Variants in C4BPB observed in about 807,000 individuals in gnomAD.
C4BPB encodes C4b-binding protein beta chain.
C4BPB carries 19 observed loss-of-function variants against 26.6 expected under a neutral mutation model. The ratio of observed to expected loss-of-function variants is 0.71; its 90% CI spans 0.50 to 1.05. The LOEUF (loss-of-function observed/expected upper bound fraction) is 1.05. C4BPB is among the 50% of genes least tolerant of loss of function. The pLI is 0.00. For synonymous variants in C4BPB, 118 were observed against 103.5 expected (o/e 1.14, Z -0.85); for missense variants, 282 against 302.9 (o/e 0.93, Z 0.51).
In C4BPB at chr1:207,099,920, ATTG is replaced by A. The variant is rs1684401957; in HGVS notation, c.755_757del (p.Leu252del). 18 of 1,612,922 alleles carry A rather than the reference ATTG, an allele frequency of 1.1e-5. No individual in the cohort carries two copies. Among genetic ancestry groups the A allele is most frequent in the Non-Finnish European group, 1.5e-5 (18 of 1,179,612 alleles). On this transcript the variant is annotated inframe_deletion, in exon 7 of 7. Transcript: ENST00000367078. Reference sequence around the variant, plus strand: ...TGAAGAAAGCTGAGTTGAAGGCAAAATTGTTGTAACACTACAGCTGAGCAGATG... The same window carrying A: ...TGAAGAAAGCTGAGTTGAAGGCAAAATTGTAACACTACAGCTGAGCAGATG...
chr1:207,095,138 G>C, intron 4 of C4BPB: 1 of 369,486 alleles, frequency 2.7e-6, no homozygotes, highest in Non-Finnish European at 5.3e-6. Flanking sequence ...GAGCTGACTG[G>C]GACCTTAGAG....
chr1:207,096,394 T>G (rs1684250074), intron 4 of C4BPB, 128 bp from the exon 5 acceptor site: 2 of 696,408 alleles, frequency 2.9e-6, no homozygotes, highest in Non-Finnish European at 5.3e-6. Context: ...GCTGTGAGGA[T>G]GTCAGGTGCT....
rs371751934 is a variant in C4BPB, at chr1:207,089,456, A to C, written c.-50-26A>C. On this transcript the variant is annotated intron_variant, in intron 1 of 6. Coordinates refer to ENST00000367078, the MANE Select transcript of C4BPB (RefSeq NM_001017365.3). ...GGTTAGGTTGGTCTTAAGCAGTGTT[A>C]GAAGATCTATTTTTTTTCAAACCAG... is the stretch of plus-strand genomic sequence containing the variant. 9.4e-5 allele frequency: 123 copies of C among 1,305,422 alleles called. 1 individual carries two copies. The African/African-American group carries it at 1.4e-3, about 15-fold the overall frequency. The allele number at this position is 1,305,422 out of a possible 1,614,324, so 80.9% of individuals were successfully genotyped here.
chr1:207,097,088 G>A (rs894632623), intron 5 of C4BPB, among the ~76,000 whole-genome samples: 5 of 152,154 alleles, frequency 3.3e-5, no homozygotes, highest in Admixed American at 1.3e-4. Flanking sequence ...CATGAGAATC[G>A]CTTGAACCCA....
chr1:207,091,462 G>C (rs888541331), intron 3 of C4BPB, among the ~76,000 whole-genome samples, 182 bp from the exon 4 acceptor site: 4 of 152,062 alleles, frequency 2.6e-5, no homozygotes, highest in Non-Finnish European at 5.9e-5. Flanking sequence ...GCTGTACTTA[G>C]GTCAATCTCC....
chr1:207,092,078 T>C (rs1261985855), intron 4 of C4BPB, among the ~76,000 whole-genome samples: 4 of 152,172 alleles, frequency 2.6e-5, no homozygotes, highest in African/African-American at 7.2e-5. Flanking sequence ...AGGTGTAATG[T>C]AGGGTAGTTT....
rs561966398 is a variant in C4BPB at position 207,090,376 on chromosome 1, A to G, written c.127A>G (p.Ile43Val). Residue 43 changes from isoleucine to valine, a missense_variant, in exon 3 of 7, where the codon ATT becomes GTT. Ile to Val is a conservative substitution (Grantham distance 29). Coordinates refer to ENST00000367078, the MANE Select transcript of C4BPB (RefSeq NM_001017365.3). ...TGTCGCAAAGGAGGTGGAAGGACAGATTCTGGGGACTTACGTTTGTATCAA... is the reference window on the plus strand; with the variant it reads ...TGTCGCAAAGGAGGTGGAAGGACAGGTTCTGGGGACTTACGTTTGTATCAA... ...IFVAKEVEGQ[I>V]LGTYVCIKGY... 6.2e-7 allele frequency: 1 copy of G among 1,614,002 alleles called. No homozygotes were observed. The highest frequency in any genetic ancestry group is 2.2e-5 in the East Asian group (1 of 44,866).
chr1:207,090,792 A>G (rs1683996297), intron 3 of C4BPB, among the ~76,000 whole-genome samples: 1 of 152,184 alleles, frequency 6.6e-6, no homozygotes, highest in Non-Finnish European at 1.5e-5. Flanking sequence ...AAAAATGTTT[A>G]TGTTATGGAA....
Position 207,090,470 on chromosome 1 carries a change from C to T in C4BPB, c.221C>T (p.Thr74Ile), listed in dbSNP as rs146047392. ...NASKEWDNTTTECRLGHCPDP... is the reference protein window; with the variant it reads ...NASKEWDNTTIECRLGHCPDP... ...TCTAAGGAGTGGGATAACACCACTACTGAGTGCCGCTGTAAGTTAGATCTT... is the reference window on the plus strand; with the variant it reads ...TCTAAGGAGTGGGATAACACCACTATTGAGTGCCGCTGTAAGTTAGATCTT... Residue 74 changes from threonine (T) to isoleucine (I), a missense_variant, in exon 3 of 7, where the codon ACT (threonine) becomes ATT (isoleucine). By Grantham distance (89) the Thr-to-Ile change is moderately conservative (BLOSUM62 -1). Coordinates refer to ENST00000367078, the MANE Select transcript of C4BPB (RefSeq NM_001017365.3). 1.9e-6 allele frequency: 3 copies of T among 1,607,920 alleles called. No individual in the cohort carries two copies. The highest frequency in any genetic ancestry group is 1.7e-6 in the Non-Finnish European group (2 of 1,177,412).
In C4BPB at chr1:207,091,801, C is replaced by G. The variant is rs966570922; in HGVS notation, c.390C>G (p.Pro130=). ...TAGAGGACCACACCTGGGCACCTCC[C>G]TTTCCCATCTGCAAAAGTAGTAAGT... ...QCLEDHTWAP[P]FPICKSRDCD... is the part of the protein sequence containing the mutation. The change falls in exon 4 of 7, where the codon CCC becomes CCG. Residue 130 remains proline (P), a synonymous_variant. Transcript: ENST00000367078. 1.9e-6 allele frequency: 3 copies of G among 1,613,202 alleles called. No homozygotes were observed. The highest frequency in any genetic ancestry group is 2.5e-6 in the Non-Finnish European group (3 of 1,179,662).
At chr1:207,091,505 C>A in intron 3 of C4BPB, 139 bp from the exon 4 acceptor site, 2 of 636,876 alleles carry the variant, frequency 3.1e-6, no homozygotes, top group Admixed American at 6.2e-5. Context: ...TATGGTAGTA[C>A]CATGTACTTC....
chr1:207,089,425 G>T, intron 1 of C4BPB, 57 bp from the exon 2 acceptor site: 1 of 854,034 alleles, frequency 1.2e-6, no homozygotes. Flanking sequence ...TCTCTAGAGA[G>T]GAGGTGGTTA....
At chr1:207,091,380 C>G (rs1684017603) in intron 3 of C4BPB, among the ~76,000 whole-genome samples, 1 of 152,178 alleles carries the variant, frequency 6.6e-6, no homozygotes, top group Admixed American at 6.5e-5. Context: ...CGATTGGTAA[C>G]TTTCAGTTAC....
intron 4 of C4BPB, chr1:207,095,241 A>C: frequency 2.2e-6 from 1 of 455,656 alleles, no homozygotes; most frequent in Non-Finnish European, 4.4e-6. Context: ...TGGAAGAGCC[A>C]GTATCAAGAC....
Position 207,093,099 on chromosome 1 carries a change from T to C in C4BPB, c.409+1279T>C, listed in dbSNP as rs111521911. 8.9e-4 allele frequency among the ~76,000 whole-genome samples: 135 copies of C among 152,328 alleles called. 1 individual carries two copies. The highest frequency in any genetic ancestry group is 3.1e-3 in the African/African-American group (127 of 41,568). ...AATGTTTTCATTTTCTATTAATAAT[T>C]GTTAGTTGAATTTGAAATGTAAAAA... On this transcript the variant is annotated intron_variant, in intron 4 of 6. Transcript: ENST00000367078.
chr1:207,094,003 T>C (rs1478224133), intron 4 of C4BPB, among the ~76,000 whole-genome samples: 1 of 152,158 alleles, frequency 6.6e-6, no homozygotes, highest in Non-Finnish European at 1.5e-5. Flanking sequence ...ATATTGAACA[T>C]TACAAATGAT....
At chr1:207,093,662 A>T (rs563044637) in intron 4 of C4BPB, among the ~76,000 whole-genome samples, 1 of 152,316 alleles carries the variant, frequency 6.6e-6, no homozygotes, top group Non-Finnish European at 1.5e-5. Flanking sequence ...AATCATTAAA[A>T]GAAAACATGA....
In C4BPB at chr1:207,099,818, C is replaced by G. The variant is rs145016760; in HGVS notation, c.648C>G (p.Cys216Trp). 6.2e-6 allele frequency: 10 copies of G among 1,613,454 alleles called. No homozygotes were observed. The African/African-American group carries it at 1.2e-4, about 19-fold the overall frequency. ...CCTTTCAGGAGAGTAAGAACCTCTG[C>G]GAAGCCATGGAGAACTTTATGCAAC... ...LLAFQESKNLCEAMENFMQQL... is the reference protein window; with the variant it reads ...LLAFQESKNLWEAMENFMQQL... The change falls in exon 7 of 7, where the codon TGC becomes TGG. Residue 216 changes from cysteine to tryptophan, a missense_variant. Coordinates refer to ENST00000367078, the MANE Select transcript of C4BPB (RefSeq NM_001017365.3).
rs1157139732 is a variant in C4BPB at position 207,091,740 on chromosome 1, A to G, written c.329A>G (p.His110Arg). ...SDKITFMCND[H>R]YILKGSNRSQ... is the part of the protein sequence containing the mutation. ...AAAATCACGTTTATGTGCAATGACC[A>G]CTACATCCTCAAGGGCAGCAATCGG... is the stretch of plus-strand genomic sequence containing the variant. The change falls in exon 4 of 7, where the codon CAC becomes CGC. Residue 110 changes from histidine to arginine, a missense_variant. Physicochemically the swap from His to Arg is conservative, Grantham distance 29. Transcript: ENST00000367078. 1.9e-6 allele frequency: 3 copies of G among 1,613,976 alleles called. No homozygotes were observed. Among genetic ancestry groups the G allele is most frequent in the African/African-American group, 2.7e-5 (2 of 74,920 alleles).
Sources: gnomAD v4.1 joint callset for allele counts (sites outside exome capture counted in the v4.1 genomes callset) on GRCh38, gnomAD v4.1.1 for gene constraint, MANE v1.5 for transcripts, NCBI Gene and HGNC (gene_info 2026-07-23, HGNC 2026-07-21) for gene names.